RAPGEF1: variants seen among roughly 807,000 people sequenced by gnomAD.
RAPGEF1 encodes CRK SH3-binding GNRP.
A neutral mutation model predicts 143.3 loss-of-function variants in RAPGEF1; 33 were observed. That is an observed-to-expected ratio of 0.23 (90% CI 0.17 to 0.31). RAPGEF1 has a LOEUF of 0.31. RAPGEF1 is among the 10% of genes least tolerant of loss of function. The pLI, the probability that RAPGEF1 is intolerant of heterozygous loss-of-function variation, is 1.00. For missense variants in RAPGEF1, 1,199 were observed against 1,645.4 expected (o/e 0.73, Z 4.69); for synonymous variants, 629 against 676.5 (o/e 0.93, Z 1.09).
At chr9:131,623,760 C>T (rs1449258229) in intron 10 of RAPGEF1, among the ~76,000 whole-genome samples, 1 of 152,214 alleles carries the variant, frequency 6.6e-6, no homozygotes, top group African/African-American at 2.4e-5. Context: ...GGGGCTGCTC[C>T]GGGCAAGAGG....
At chr9:131,706,268 CT>C (rs200990981) in intron 1 of RAPGEF1, among the ~76,000 whole-genome samples, 67 of 146,176 alleles carry the variant, frequency 4.6e-4, no homozygotes, top group Middle Eastern at 3.5e-3. Flanking sequence ...CATTCTTCTT[CT>C]TTTTTTTTTT....
chr9:131,679,924 C>T (rs1280091378), intron 1 of RAPGEF1, among the ~76,000 whole-genome samples: 1 of 152,270 alleles, frequency 6.6e-6, no homozygotes, highest in Non-Finnish European at 1.5e-5. Context: ...AAGCGAGTCA[C>T]AGGCCACATC....
intron 1 of RAPGEF1, chr9:131,709,953 T>G: frequency 1.0e-6 from 1 of 985,310 alleles, no homozygotes; most frequent in Non-Finnish European, 1.2e-6. Flanking sequence ...TGGTCTATAT[T>G]AAGAAGCTCT....
intron 1 of RAPGEF1, among the ~76,000 whole-genome samples, chr9:131,663,308 C>T (rs1364366896): frequency 6.6e-6 from 1 of 152,200 alleles, no homozygotes. Flanking sequence ...TATAACACAT[C>T]TCTAAATACT....
chr9:131,726,261 C>T (rs1460074372), intron 1 of RAPGEF1, among the ~76,000 whole-genome samples: 4 of 152,070 alleles, frequency 2.6e-5, no homozygotes, highest in Admixed American at 6.6e-5. Context: ...GAGTAAAAGG[C>T]CGATTACACA....
chr9:131,592,219 G>A lies in RAPGEF1; in HGVS notation c.2690-36C>T, dbSNP rs1382293537. 10 of 1,519,500 alleles carry A rather than the reference G, an allele frequency of 6.6e-6. No homozygotes were observed. In the African/African-American group the frequency reaches 1.4e-4, roughly 21 times the overall value. The allele number at this position is 1,519,500 out of a possible 1,614,324, so 94.1% of individuals were successfully genotyped here. ...AAAACAATGCAAACTGCTTGTCTGG[G>A]TGCAGAGTGCTGGGGGGTGGTAGCC... On this transcript the variant is annotated intron_variant, in intron 17 of 26. Transcript: ENST00000683357.
rs117889546 is a variant in RAPGEF1 at position 131,614,529 on chromosome 9, G to A, written c.2061+4522C>T. Among the ~76,000 whole-genome samples, 267 of 152,356 alleles carry A rather than the reference G, an allele frequency of 1.8e-3. 1 individual carries two copies. Among genetic ancestry groups the A allele is most frequent in the Non-Finnish European group, 3.2e-3 (216 of 68,034 alleles). ...GATGGTTTGTGGCCAGGAGGTTGTG[G>A]GTAGGGAAGGAGAGAAAGAGTGAGT... On this transcript the variant is annotated intron_variant, in intron 12 of 26. Transcript: ENST00000683357.
intron 1 of RAPGEF1, among the ~76,000 whole-genome samples, chr9:131,726,156 AGTT>A (rs1236873084): frequency 1.3e-5 from 2 of 152,202 alleles, no homozygotes; most frequent in African/African-American, 4.8e-5. Flanking sequence ...GCAGATAAGC[AGTT>A]ATTATGTCAA....
chr9:131,598,117 T>A (rs932593385), intron 16 of RAPGEF1, 82 bp downstream of exon 16: 2 of 1,243,230 alleles, frequency 1.6e-6, no homozygotes, highest in African/African-American at 3.0e-5. Flanking sequence ...GTTCTGCTTA[T>A]GACAAGATCA....
chr9:131,715,482 G>T (rs1835796125), intron 1 of RAPGEF1, among the ~76,000 whole-genome samples: 1 of 152,094 alleles, frequency 6.6e-6, no homozygotes, highest in African/African-American at 2.4e-5. Flanking sequence ...GGCTTTGGGG[G>T]TTCCTAAGGT....
chr9:131,585,581 G>A (rs563979775), intron 22 of RAPGEF1, among the ~76,000 whole-genome samples: 2 of 152,372 alleles, frequency 1.3e-5, no homozygotes, highest in Admixed American at 6.5e-5. Context: ...TGCAGCTTCC[G>A]TCTGCTTTAG....
chr9:131,696,832 G>A (rs970668143), intron 1 of RAPGEF1, among the ~76,000 whole-genome samples: 2 of 152,266 alleles, frequency 1.3e-5, no homozygotes, highest in East Asian at 1.9e-4. Flanking sequence ...TTTAACCAAC[G>A]ATTTACAATA....
intron 1 of RAPGEF1, among the ~76,000 whole-genome samples, chr9:131,654,702 G>A (rs1972000115): frequency 6.6e-6 from 1 of 152,118 alleles, no homozygotes; most frequent in South Asian, 2.1e-4. Flanking sequence ...AAAAATAAAG[G>A]CTTGGGGGAC....
At chr9:131,716,902 C>T (rs1400157955) in intron 1 of RAPGEF1, among the ~76,000 whole-genome samples, 1 of 152,198 alleles carries the variant, frequency 6.6e-6, no homozygotes, top group African/African-American at 2.4e-5. Flanking sequence ...CTTCATCTCC[C>T]ACTTCCTCAC....
chr9:131,673,679 C>A (rs1040196524), intron 1 of RAPGEF1, among the ~76,000 whole-genome samples: 1 of 152,150 alleles, frequency 6.6e-6, no homozygotes, highest in Admixed American at 6.5e-5. Flanking sequence ...CTGTGGAGGG[C>A]TACAAAAGCA....
intron 1 of RAPGEF1, among the ~76,000 whole-genome samples, chr9:131,685,073 C>A (rs1271331116): frequency 6.6e-6 from 1 of 152,162 alleles, no homozygotes; most frequent in African/African-American, 2.4e-5. Context: ...ATTCCTTCAA[C>A]AAGGGCTGAC....
At chr9:131,685,037 T>C (rs1421833100) in intron 1 of RAPGEF1, among the ~76,000 whole-genome samples, 2 of 152,136 alleles carry the variant, frequency 1.3e-5, no homozygotes, top group African/African-American at 2.4e-5. Flanking sequence ...GTAGCTATGA[T>C]AGAGGTTATC....
intron 20 of RAPGEF1, 138 bp downstream of exon 20, chr9:131,588,663 G>A (rs551711033): frequency 1.1e-5 from 10 of 884,488 alleles, no homozygotes; most frequent in Admixed American, 2.9e-5. Flanking sequence ...AGGGATCCAC[G>A]GGGCTGTTCC....
At chr9:131,657,757 G>A (rs1972876869) in intron 1 of RAPGEF1, among the ~76,000 whole-genome samples, 1 of 152,200 alleles carries the variant, frequency 6.6e-6, no homozygotes, top group Non-Finnish European at 1.5e-5. Flanking sequence ...CACTGGTGCT[G>A]CCATGTGCTC....
Sources: gnomAD v4.1 joint callset for allele counts (sites outside exome capture counted in the v4.1 genomes callset) on GRCh38, gnomAD v4.1.1 for gene constraint, MANE v1.5 for transcripts, NCBI Gene and HGNC (gene_info 2026-07-23, HGNC 2026-07-21) for gene names.